Variants in DHX15 observed in about 807,000 individuals in gnomAD.
DHX15 encodes the protein ATP-dependent RNA helicase DHX15.
A neutral mutation model predicts 94.4 loss-of-function variants in DHX15; 11 were observed. The ratio of observed to expected loss-of-function variants is 0.12; its 90% CI spans 0.07 to 0.19. The LOEUF (loss-of-function observed/expected upper bound fraction) is 0.19. DHX15 is among the 10% of genes least tolerant of loss of function. The pLI is 1.00. For synonymous variants in DHX15, 338 were observed against 329.9 expected (o/e 1.02, Z -0.27); for missense variants, 304 against 988.5 (o/e 0.31, Z 9.29).
At chr4:24,546,191 C>T (rs1336819188) in intron 6 of DHX15, among the ~76,000 whole-genome samples, 2 of 152,200 alleles carry the variant, frequency 1.3e-5, no homozygotes, top group East Asian at 3.9e-4. Context: ...TGCTTATAAA[C>T]ATCCCAGCAG....
rs560063762 is a variant in DHX15, at chr4:24,565,240, G to T, written c.701+5414C>A. On this transcript the variant is annotated intron_variant, in intron 3 of 13. Coordinates refer to ENST00000336812, the MANE Select transcript of DHX15 (RefSeq NM_001358.3). The stretch of plus-strand genomic sequence containing the variant: ...ATCCTCACAAATACTTAAGTACAAA[G>T]GTCAAATTTAACAAAACATGTAGAG... 2.6e-5 allele frequency among the ~76,000 whole-genome samples: 4 copies of T among 152,226 alleles called. No individual in the cohort carries two copies. The South Asian group carries it at 8.3e-4, about 32-fold the overall frequency.
intron 1 of DHX15, among the ~76,000 whole-genome samples, chr4:24,578,289 T>C (rs79008291): frequency 0.02 from 3,095 of 152,358 alleles, 93 homozygotes; most frequent in African/African-American, 0.07. Flanking sequence ...TTGCTTCTCC[T>C]GCTTCTGGCC....
At chr4:24,560,948 G>A (rs1469455852) in intron 3 of DHX15, among the ~76,000 whole-genome samples, 2 of 152,168 alleles carry the variant, frequency 1.3e-5, no homozygotes, top group African/African-American at 2.4e-5. Context: ...GTTGGCAAGG[G>A]TAAAGAAACA....
intron 1 of DHX15, among the ~76,000 whole-genome samples, chr4:24,577,601 A>G (rs1722302200): frequency 6.6e-6 from 1 of 152,174 alleles, no homozygotes; most frequent in Non-Finnish European, 1.5e-5. Flanking sequence ...TTATGCAGGT[A>G]GCCACTCTAT....
intron 8 of DHX15, 117 bp downstream of exon 8, chr4:24,541,756 G>T: frequency 1.8e-6 from 2 of 1,085,262 alleles, no homozygotes; most frequent in Non-Finnish European, 2.6e-6. Flanking sequence ...TCCTGGAAAA[G>T]CTAAGGAGCT....
intron 6 of DHX15, among the ~76,000 whole-genome samples, chr4:24,546,006 T>A (rs987166853): frequency 2.6e-5 from 4 of 152,176 alleles, no homozygotes; most frequent in African/African-American, 9.7e-5. Context: ...TTTTTTCTAA[T>A]AGAACCACTT....
At chr4:24,562,178 C>G (rs1267696375) in intron 3 of DHX15, among the ~76,000 whole-genome samples, 1 of 140,240 alleles carries the variant, frequency 7.1e-6, no homozygotes. Flanking sequence ...ACTCCTACAA[C>G]ATGCAATTTA....
intron 6 of DHX15, among the ~76,000 whole-genome samples, chr4:24,548,199 G>A (rs1469682188): frequency 7.0e-6 from 1 of 143,798 alleles, no homozygotes; most frequent in African/African-American, 2.6e-5. Context: ...CTGGAGTGCA[G>A]TGTTGCGGTC....
At chr4:24,582,383 G>A (rs1024687831) in intron 1 of DHX15, among the ~76,000 whole-genome samples, 3 of 152,158 alleles carry the variant, frequency 2.0e-5, no homozygotes, top group East Asian at 1.9e-4. Context: ...GTTTTTGCAA[G>A]AGAAAGTAAA....
chr4:24,580,982 G>A (rs1387170826), intron 1 of DHX15: 2 of 151,750 alleles, frequency 1.3e-5, no homozygotes, highest in Non-Finnish European at 2.9e-5. Flanking sequence ...AATAAGTGAT[G>A]TCATACCTTT....
At chr4:24,568,230 A>G (rs1722038847) in intron 3 of DHX15, among the ~76,000 whole-genome samples, 1 of 152,242 alleles carries the variant, frequency 6.6e-6, no homozygotes, top group African/African-American at 2.4e-5. Flanking sequence ...ATGGATATAT[A>G]AGCATTTTAT....
intron 6 of DHX15, among the ~76,000 whole-genome samples, chr4:24,546,748 C>T (rs891195555): frequency 9.2e-5 from 14 of 152,086 alleles, no homozygotes; most frequent in African/African-American, 3.1e-4. Flanking sequence ...TAAGAAATGG[C>T]ACTGCCTTAT....
intron 1 of DHX15, among the ~76,000 whole-genome samples, chr4:24,582,446 T>C (rs575158016): frequency 1.6e-4 from 24 of 152,370 alleles, no homozygotes; most frequent in African/African-American, 5.5e-4. Context: ...ACATTTTAAA[T>C]GGTGCACATA....
intron 5 of DHX15, among the ~76,000 whole-genome samples, chr4:24,553,487 T>G (rs1220147536): frequency 6.7e-6 from 1 of 150,098 alleles, no homozygotes; most frequent in Non-Finnish European, 1.5e-5. Context: ...AAAAAAGCAT[T>G]TTGGGGCCAG....
intron 10 of DHX15, among the ~76,000 whole-genome samples, chr4:24,539,536 T>C (rs760961990): frequency 6.6e-6 from 1 of 152,194 alleles, no homozygotes; most frequent in Non-Finnish European, 1.5e-5. Context: ...ATTAGGTATG[T>C]TTCTTTTACC....
chr4:24,560,661 C>G (rs2109411562), intron 3 of DHX15, among the ~76,000 whole-genome samples: 1 of 152,210 alleles, frequency 6.6e-6, no homozygotes, highest in African/African-American at 2.4e-5. Context: ...GATGAAACAT[C>G]TAATTCTATC....
At chr4:24,575,557 T>A (rs965139790) in intron 2 of DHX15, among the ~76,000 whole-genome samples, 13 of 152,208 alleles carry the variant, frequency 8.5e-5, no homozygotes, top group African/African-American at 3.1e-4. Context: ...TTCTCCTACA[T>A]GCTCATGGAA....
intron 1 of DHX15, among the ~76,000 whole-genome samples, chr4:24,581,486 T>A (rs756732483): frequency 6.6e-5 from 10 of 152,234 alleles, no homozygotes; most frequent in Non-Finnish European, 1.3e-4. Flanking sequence ...TAGAAAATGT[T>A]CACCAAAAAC....
intron 1 of DHX15, among the ~76,000 whole-genome samples, chr4:24,583,831 C>T (rs1326794702): frequency 6.6e-6 from 1 of 152,158 alleles, no homozygotes; most frequent in Non-Finnish European, 1.5e-5. Context: ...TCTCACTTTC[C>T]GCCCTCCGCC....
Sources: gnomAD v4.1 joint callset for allele counts (sites outside exome capture counted in the v4.1 genomes callset) on GRCh38, gnomAD v4.1.1 for gene constraint, MANE v1.5 for transcripts, NCBI Gene and HGNC (gene_info 2026-07-23, HGNC 2026-07-21) for gene names.